The following PCBP3 variants were observed in gnomAD, a reference collection of about 807,000 sequenced individuals.
PCBP3 encodes the protein poly(rC)-binding protein 3.
PCBP3 carries 25 observed loss-of-function variants against 52.7 expected under a neutral mutation model. The observed-to-expected ratio is 0.47, with a 90% CI of 0.35 to 0.66. The LOEUF (loss-of-function observed/expected upper bound fraction) is 0.66. Ranked by LOEUF, PCBP3 falls within the 30% of genes least tolerant of loss-of-function variation. The probability of loss-of-function intolerance (pLI) is 0.01; values close to 1 mark genes in which losing one functional copy is unlikely to be tolerated. For missense variants in PCBP3, 391 were observed against 490.3 expected (o/e 0.80, Z 1.91); for synonymous variants, 162 against 183.0 (o/e 0.89, Z 0.93).
chr21:45,666,731 A>ATT (rs201697544), intron 1 of PCBP3, among the ~76,000 whole-genome samples: 1 of 139,672 alleles, frequency 7.2e-6, no homozygotes, highest in Non-Finnish European at 1.6e-5. Flanking sequence ...CTTATTGAGA[A>ATT]TTTTTTTTTT....
intron 4 of PCBP3, among the ~76,000 whole-genome samples, chr21:45,847,867 A>G (rs1489704877): frequency 6.6e-6 from 1 of 152,116 alleles, no homozygotes; most frequent in Non-Finnish European, 1.5e-5. Context: ...TCCTAAGAAC[A>G]TTTCTAGGAT....
chr21:45,874,042 G>A (rs1384722480), intron 5 of PCBP3, among the ~76,000 whole-genome samples: 3 of 151,738 alleles, frequency 2.0e-5, no homozygotes, highest in Admixed American at 6.5e-5. Flanking sequence ...GAGCCACCAC[G>A]CCCGGCCCAG....
intron 2 of PCBP3, among the ~76,000 whole-genome samples, chr21:45,706,710 A>G (rs1603296101): frequency 6.6e-6 from 1 of 152,208 alleles, no homozygotes. Flanking sequence ...AGCCAGGCAG[A>G]GGGAGGCAGG....
chr21:45,925,638 G>A (rs1032700873), intron 13 of PCBP3, among the ~76,000 whole-genome samples: 10 of 151,618 alleles, frequency 6.6e-5, no homozygotes, highest in African/African-American at 2.4e-4. Context: ...GAAAGAATGG[G>A]AAAAGGCTAA....
chr21:45,794,705 G>A (rs1008944086), intron 4 of PCBP3, among the ~76,000 whole-genome samples: 1 of 152,154 alleles, frequency 6.6e-6, no homozygotes, highest in Admixed American at 6.5e-5. Flanking sequence ...CGAGGTGGGC[G>A]GATCACAAGG....
chr21:45,709,476 T>C (rs1302952386), intron 2 of PCBP3, among the ~76,000 whole-genome samples: 1 of 152,202 alleles, frequency 6.6e-6, no homozygotes, highest in Non-Finnish European at 1.5e-5. Flanking sequence ...TGTCTGAAGA[T>C]AGGCGACGAC....
rs1456569017 is a variant in PCBP3, at chr21:45,788,609, G to C, written c.-126+33157G>C. The C allele has an allele frequency of 6.6e-6, 1 of 152,300 alleles. No homozygotes were observed. The highest frequency in any genetic ancestry group is 1.5e-5 in the Non-Finnish European group (1 of 68,156). 9.4% of individuals were successfully genotyped at this position (152,300 alleles called of 1,614,324 possible). A position where few individuals can be genotyped will look rare whatever the true frequency, so the allele number is the denominator to read the frequency against. On this transcript the variant is annotated intron_variant, in intron 4 of 17. Coordinates refer to ENST00000681687, the MANE Select transcript of PCBP3 (RefSeq NM_001384156.1). The surrounding 1 kb of genome is among the most constrained non-coding windows in gnomAD (Gnocchi z 4.3). ...TCCCTTTGCTTGACCGTTCTCTTGA[G>C]GTTCTTAACCCTGAACTGCACCCGA...
At chr21:45,840,955 A>G (rs563756606) in intron 4 of PCBP3, among the ~76,000 whole-genome samples, 2 of 152,062 alleles carry the variant, frequency 1.3e-5, no homozygotes, top group South Asian at 4.1e-4. Context: ...TACCTTTTCT[A>G]TGTTGTTTAG....
In PCBP3 at chr21:45,694,764, C is replaced by T. The variant is rs947866405; in HGVS notation, c.-200+25812C>T. On this transcript the variant is annotated intron_variant, in intron 2 of 17. Coordinates refer to ENST00000681687, the MANE Select transcript of PCBP3 (RefSeq NM_001384156.1). ...GAACTTCTAGAAATAAAACCAGTGC[C>T]TCTATAGTAAAGACAACAGAATATC... 5.3e-5 allele frequency among the ~76,000 whole-genome samples: 8 copies of T among 152,172 alleles called. 1 individual carries two copies. The highest frequency in any genetic ancestry group is 3.9e-4 in the Admixed American group (6 of 15,280).
chr21:45,810,718 GT>G (rs1367472444), intron 4 of PCBP3, among the ~76,000 whole-genome samples: 3 of 152,092 alleles, frequency 2.0e-5, no homozygotes, highest in Admixed American at 2.0e-4. Flanking sequence ...CCTCTTCCCT[GT>G]TTTCTGAAAG....
intron 4 of PCBP3, among the ~76,000 whole-genome samples, chr21:45,786,133 A>T (rs28432869): frequency 0.014 from 2,006 of 147,888 alleles, 93 homozygotes; most frequent in Admixed American, 0.085. Context: ...GATCAATAAA[A>T]AAATAAATAA....
chr21:45,925,208 A>C (rs1256949138), intron 13 of PCBP3, among the ~76,000 whole-genome samples: 1 of 152,078 alleles, frequency 6.6e-6, no homozygotes, highest in Admixed American at 6.6e-5. Flanking sequence ...GGTGTGCGTG[A>C]GGAGATGCGA....
intron 2 of PCBP3, among the ~76,000 whole-genome samples, chr21:45,679,813 A>G (rs546952887): frequency 4.6e-5 from 7 of 152,314 alleles, no homozygotes; most frequent in African/African-American, 9.6e-5. Flanking sequence ...TATTCTGTCT[A>G]AGTTTTATAG....
At chr21:45,871,308 G>A (rs927606970) in intron 5 of PCBP3, 1 of 162,412 alleles carries the variant, frequency 6.2e-6, no homozygotes, top group African/African-American at 2.4e-5. Flanking sequence ...CCTTGGGAAG[G>A]CCGTGCAGCC....
chr21:45,828,027 T>G (rs1470499899), intron 4 of PCBP3: 1 of 152,284 alleles, frequency 6.6e-6, no homozygotes, highest in Non-Finnish European at 1.5e-5. Context: ...CTTCAACCCC[T>G]TCCCAAGCAA....
chr21:45,768,886 C>G (rs1008370205), intron 4 of PCBP3, among the ~76,000 whole-genome samples: 1 of 152,234 alleles, frequency 6.6e-6, no homozygotes, highest in African/African-American at 2.4e-5. Context: ...CGACAGGCAC[C>G]TCTGCCTGTT....
chr21:45,692,397 A>T (rs955174007), intron 2 of PCBP3, among the ~76,000 whole-genome samples: 1 of 144,872 alleles, frequency 6.9e-6, no homozygotes, highest in African/African-American at 2.6e-5. Flanking sequence ...TGATCAAGAT[A>T]AAAAAAAAAA....
intron 1 of PCBP3, among the ~76,000 whole-genome samples, chr21:45,651,033 A>G (rs1303551079): frequency 6.6e-6 from 1 of 152,188 alleles, no homozygotes; most frequent in Non-Finnish European, 1.5e-5. Context: ...TCTTCCCGTC[A>G]AGGCTTCAGG....
intron 5 of PCBP3, among the ~76,000 whole-genome samples, chr21:45,884,431 A>C (rs1330179416): frequency 6.6e-6 from 1 of 152,212 alleles, no homozygotes; most frequent in East Asian, 1.9e-4. Context: ...AATACTAAGT[A>C]TATAGCATAT....
Sources: gnomAD v4.1 joint callset for allele counts (sites outside exome capture counted in the v4.1 genomes callset) on GRCh38, gnomAD v4.1.1 for gene constraint, Gnocchi (gnomAD v3.1) non-coding constraint, MANE v1.5 for transcripts, NCBI Gene and HGNC (gene_info 2026-07-23, HGNC 2026-07-21) for gene names.